Variants in BACH2 observed in about 807,000 individuals in gnomAD.
The protein encoded by BACH2 is BACH transcriptional regulator 2.
A neutral mutation model predicts 61.8 loss-of-function variants in BACH2; 5 were observed. That is an observed-to-expected ratio of 0.08 (90% CI 0.04 to 0.17). The LOEUF (loss-of-function observed/expected upper bound fraction) is 0.17, where lower values mean the gene tolerates loss of function less well. Ranked by LOEUF, BACH2 falls within the 10% of genes least tolerant of loss-of-function variation. The pLI, the probability that BACH2 is intolerant of heterozygous loss-of-function variation, is 1.00. For missense variants in BACH2, 824 were observed against 1,091.1 expected, an observed-to-expected ratio of 0.76 and a Z score of 3.45; for synonymous variants, 446 against 440.1, an observed-to-expected ratio of 1.01 and a Z score of -0.17.
chr6:90,059,153 A>G (rs1175470472), intron 5 of BACH2, among the ~76,000 whole-genome samples: 1 of 152,284 alleles, frequency 6.6e-6, no homozygotes, highest in Non-Finnish European at 1.5e-5. Flanking sequence ...GAGCTTCTGC[A>G]CAGCAAAAGA....
intron 1 of BACH2, among the ~76,000 whole-genome samples, chr6:90,275,107 A>T (rs1771649479): frequency 6.6e-6 from 1 of 152,232 alleles, no homozygotes; most frequent in Non-Finnish European, 1.5e-5. Flanking sequence ...TGCAATTCAC[A>T]TGTTTGGAGC....
At chr6:90,152,365 C>A (rs1465571333) in intron 4 of BACH2, among the ~76,000 whole-genome samples, 1 of 152,174 alleles carries the variant, frequency 6.6e-6, no homozygotes, top group African/African-American at 2.4e-5. Context: ...AGGTGAAGGG[C>A]TCAGTGACTG....
chr6:90,149,690 A>G (rs777498282), intron 4 of BACH2, among the ~76,000 whole-genome samples: 1 of 152,228 alleles, frequency 6.6e-6, no homozygotes, highest in Non-Finnish European at 1.5e-5. Flanking sequence ...CAAAAATCCA[A>G]TTGCTGGATA....
chr6:90,266,999 C>A (rs1220911771), intron 2 of BACH2, among the ~76,000 whole-genome samples: 2 of 152,022 alleles, frequency 1.3e-5, no homozygotes, highest in African/African-American at 2.4e-5. Context: ...TATAAAGATG[C>A]CCCACCCTGT....
chr6:90,243,863 T>C (rs1258184114), intron 3 of BACH2, among the ~76,000 whole-genome samples: 1 of 152,224 alleles, frequency 6.6e-6, no homozygotes, highest in Non-Finnish European at 1.5e-5. Context: ...TAGTAAAATT[T>C]CATTGATTGG....
chr6:90,195,638 C>T (rs548829241), intron 4 of BACH2, among the ~76,000 whole-genome samples: 2 of 152,222 alleles, frequency 1.3e-5, no homozygotes, highest in African/African-American at 2.4e-5. Flanking sequence ...AGTATTGATT[C>T]GCTGCACTTT....
At chr6:90,254,723 A>G (rs1238457707) in intron 2 of BACH2, among the ~76,000 whole-genome samples, 1 of 152,174 alleles carries the variant, frequency 6.6e-6, no homozygotes, top group African/African-American at 2.4e-5. Context: ...GCAAAACCCA[A>G]TCTATAAGGA....
At chr6:90,071,769 G>C (rs1398848255) in intron 5 of BACH2, among the ~76,000 whole-genome samples, 1 of 152,156 alleles carries the variant, frequency 6.6e-6, no homozygotes, top group African/African-American at 2.4e-5. Flanking sequence ...AAGCCTCACT[G>C]ATAACATAAA....
chr6:89,968,623 A>G (rs1775173228), intron 6 of BACH2, among the ~76,000 whole-genome samples: 1 of 152,240 alleles, frequency 6.6e-6, no homozygotes, highest in Non-Finnish European at 1.5e-5. Flanking sequence ...TTTTGCATAA[A>G]TGTTACTAAA....
intron 3 of BACH2, among the ~76,000 whole-genome samples, chr6:90,233,685 G>A (rs185381136): frequency 2.0e-5 from 3 of 152,250 alleles, no homozygotes; most frequent in Admixed American, 1.3e-4. Context: ...AAATATCAGC[G>A]ATTGGTATTA....
chr6:90,223,002 C>T (rs920336313), intron 3 of BACH2, among the ~76,000 whole-genome samples: 1 of 152,218 alleles, frequency 6.6e-6, no homozygotes, highest in Admixed American at 6.5e-5. Context: ...TGTGGTCCAA[C>T]CCTAGCCAAT....
intron 4 of BACH2, among the ~76,000 whole-genome samples, chr6:90,143,900 T>C (rs553465431): frequency 1.3e-5 from 2 of 152,282 alleles, no homozygotes; most frequent in Admixed American, 6.5e-5. Context: ...CTCTTCAGCA[T>C]CCCTGTGGAG....
chr6:90,125,487 G>C (rs755561387), intron 4 of BACH2, among the ~76,000 whole-genome samples: 4 of 152,188 alleles, frequency 2.6e-5, no homozygotes, highest in Non-Finnish European at 4.4e-5. Context: ...CACCCTCCCA[G>C]GTAGGCAAGA....
At chr6:90,016,096 T>C (rs747289904) in intron 5 of BACH2, among the ~76,000 whole-genome samples, 3 of 152,208 alleles carry the variant, frequency 2.0e-5, no homozygotes, top group Non-Finnish European at 2.9e-5. Flanking sequence ...TTTTGTTTGG[T>C]GTTAGCACAG....
At chr6:90,274,217 G>A (rs150123423) in intron 1 of BACH2, among the ~76,000 whole-genome samples, 58 of 152,210 alleles carry the variant, frequency 3.8e-4, no homozygotes, top group African/African-American at 1.1e-3. Context: ...AAGAACATAC[G>A]TTGATTCTAT....
intron 4 of BACH2, among the ~76,000 whole-genome samples, chr6:90,137,859 C>G (rs1192439125): frequency 6.6e-6 from 1 of 152,118 alleles, no homozygotes; most frequent in Admixed American, 6.5e-5. Flanking sequence ...TCTTGCAAAG[C>G]CAGGCAGTGT....
chr6:90,267,176 C>A (rs527772749), intron 2 of BACH2, among the ~76,000 whole-genome samples: 1 of 152,014 alleles, frequency 6.6e-6, no homozygotes, highest in East Asian at 1.9e-4. Flanking sequence ...CCTACTAAAA[C>A]GAACAAATAA....
At chr6:90,296,296 C>A (rs574330897) in intron 1 of BACH2, among the ~76,000 whole-genome samples, 184 bp downstream of exon 1, 1 of 151,696 alleles carries the variant, frequency 6.6e-6, no homozygotes, top group East Asian at 2.0e-4. Context: ...CCTTCCCGTT[C>A]CTAGAAAATG....
intron 4 of BACH2, among the ~76,000 whole-genome samples, chr6:90,115,754 T>A (rs1783371578): frequency 6.6e-6 from 1 of 152,092 alleles, no homozygotes; most frequent in Non-Finnish European, 1.5e-5. Flanking sequence ...TGGAAGACAA[T>A]ATTTGCAAAC....
Sources: allele counts gnomAD v4.1 joint callset (sites outside exome capture counted in the v4.1 genomes callset), GRCh38; gene constraint gnomAD v4.1.1; transcripts MANE v1.5; gene names NCBI Gene and HGNC (gene_info 2026-07-23, HGNC 2026-07-21).